IPO11: variants seen among roughly 807,000 people sequenced by gnomAD.
IPO11 encodes importin-11.
In IPO11, 66 loss-of-function variants were observed where a neutral mutation model predicts 143.2. That is an observed-to-expected ratio of 0.46 (90% confidence interval 0.38 to 0.57). The LOEUF (loss-of-function observed/expected upper bound fraction) is 0.57, where lower values mean the gene tolerates loss of function less well. Among genes scored for constraint, IPO11 ranks in the 20% least tolerant of loss-of-function variants. IPO11 has a pLI of 0.00. For synonymous variants in IPO11, 385 were observed against 377.8 expected (o/e 1.02, Z -0.22); for missense variants, 1,026 against 1,141.0 (o/e 0.90, Z 1.45).
At chr5:62,483,421 A>G in intron 10 of IPO11, 128 bp downstream of exon 10, 2 of 627,022 alleles carry the variant, frequency 3.2e-6, no homozygotes, top group Non-Finnish European at 5.3e-6. Context: ...GACATGAAAA[A>G]GATATAAGGA....
intron 22 of IPO11, among the ~76,000 whole-genome samples, chr5:62,535,980 C>G (rs1742720008): frequency 6.6e-6 from 1 of 152,106 alleles, no homozygotes; most frequent in African/African-American, 2.4e-5. Context: ...AGCACAGTGT[C>G]AACTTTTGAT....
intron 27 of IPO11, among the ~76,000 whole-genome samples, chr5:62,570,759 T>G (rs1744106880): frequency 6.6e-6 from 1 of 152,236 alleles, no homozygotes. Flanking sequence ...TCTGGCAAAC[T>G]GTTTTCTTAT....
At chr5:62,547,609 C>G (rs1743249143) in intron 24 of IPO11, among the ~76,000 whole-genome samples, 1 of 152,122 alleles carries the variant, frequency 6.6e-6, no homozygotes, top group Non-Finnish European at 1.5e-5. Context: ...TTTTAGACCA[C>G]AAAAACTCTG....
At chr5:62,533,477 G>C (rs146591441) in intron 22 of IPO11, among the ~76,000 whole-genome samples, 7,896 of 152,162 alleles carry the variant, frequency 0.052, 240 homozygotes, top group South Asian at 0.081. Flanking sequence ...CTCTCAAAGT[G>C]CTGGGATTAC....
At chr5:62,417,772 G>A (rs1019669952) in intron 1 of IPO11, among the ~76,000 whole-genome samples, 2 of 152,052 alleles carry the variant, frequency 1.3e-5, no homozygotes, top group Admixed American at 6.6e-5. Context: ...TCTCTTCAAC[G>A]CTGACATATG....
Position 62,434,305 on chromosome 5 carries a change from T to G in IPO11, c.-6-2969T>G, listed in dbSNP as rs187328698. 6.1e-3 allele frequency among the ~76,000 whole-genome samples: 928 copies of G among 151,882 alleles called. 11 individuals carry two copies. The highest frequency in any genetic ancestry group is 0.021 in the African/African-American group (856 of 41,466). On this transcript the variant is annotated intron_variant, in intron 1 of 29. Transcript: ENST00000325324. ...ACACTCAGTTGCAGTCAGTCTTTTT[T>G]TTTGTTTGTTTGTTTTGAGACAGGG... is the stretch of plus-strand genomic sequence containing the variant.
chr5:62,615,254 C>G (rs1452433812), intron 29 of IPO11, among the ~76,000 whole-genome samples: 1 of 152,186 alleles, frequency 6.6e-6, no homozygotes, highest in Non-Finnish European at 1.5e-5. Flanking sequence ...CGTTTTCTGT[C>G]TGTGTCAGAA....
intron 24 of IPO11, among the ~76,000 whole-genome samples, chr5:62,544,537 G>C (rs893072980): frequency 6.6e-6 from 1 of 152,130 alleles, no homozygotes; most frequent in East Asian, 1.9e-4. Context: ...TTGAAAACTG[G>C]CACAAGGCAG....
intron 1 of IPO11, among the ~76,000 whole-genome samples, chr5:62,429,618 G>GTGTGTA (rs1554046813): frequency 6.7e-6 from 1 of 149,162 alleles, no homozygotes; most frequent in East Asian, 2.0e-4. Context: ...GTGTGTGTGT[G>GTGTGTA]TGTGTGTGTA....
chr5:62,555,345 C>T (rs1743536547), intron 26 of IPO11, among the ~76,000 whole-genome samples: 1 of 151,380 alleles, frequency 6.6e-6, no homozygotes, highest in Non-Finnish European at 1.5e-5. Flanking sequence ...GACAGAGTCT[C>T]ACTCCATCAT....
chr5:62,460,980 C>T (rs762969220), intron 5 of IPO11, among the ~76,000 whole-genome samples: 16 of 152,136 alleles, frequency 1.1e-4, no homozygotes, highest in Non-Finnish European at 2.1e-4. Flanking sequence ...TGGTTACTTC[C>T]TGTGGTTTCT....
At chr5:62,442,668 G>A (rs1744532478) in intron 2 of IPO11, among the ~76,000 whole-genome samples, 1 of 152,074 alleles carries the variant, frequency 6.6e-6, no homozygotes, top group African/African-American at 2.4e-5. Flanking sequence ...AGACCAGCCT[G>A]GCCAGCATGG....
At chr5:62,510,659 G>A (rs954404520) in intron 19 of IPO11, among the ~76,000 whole-genome samples, 2 of 152,116 alleles carry the variant, frequency 1.3e-5, no homozygotes, top group African/African-American at 4.8e-5. Context: ...TGGCTCTCAT[G>A]TCCCTGCTTT....
At position 62,591,489 on chromosome 5, in the gene IPO11, C is replaced by T. The variant is rs960489290; in HGVS notation, c.2583-88C>T. ...GTATTTCACAGCTGAAATTTCTCTT[C>T]ATGTTCGAGAAGATGTTTAGGAAAA... On this transcript the variant is annotated intron_variant, in intron 27 of 29. Transcript: ENST00000325324. 19 of 701,756 alleles carry T rather than the reference C, an allele frequency of 2.7e-5. No homozygotes were observed. The African/African-American group carries it at 3.2e-4, about 12-fold the overall frequency. 43.5% of individuals were successfully genotyped at this position (701,756 alleles called of 1,614,324 possible).
chr5:62,495,652 G>A (rs1314376565), intron 16 of IPO11, among the ~76,000 whole-genome samples: 1 of 151,954 alleles, frequency 6.6e-6, no homozygotes, highest in Non-Finnish European at 1.5e-5. Context: ...TCTGTTTTTT[G>A]TAGAGATGGT....
intron 20 of IPO11, among the ~76,000 whole-genome samples, chr5:62,524,789 G>A (rs1346400665): frequency 6.6e-6 from 1 of 152,140 alleles, no homozygotes; most frequent in Non-Finnish European, 1.5e-5. Context: ...AGTAGTATGT[G>A]TCATCAAAAG....
At chr5:62,419,957 C>T (rs751559724) in intron 1 of IPO11, among the ~76,000 whole-genome samples, 2 of 151,872 alleles carry the variant, frequency 1.3e-5, no homozygotes, top group African/African-American at 4.8e-5. Flanking sequence ...ATTATGATGC[C>T]GGCATTGCTC....
intron 5 of IPO11, among the ~76,000 whole-genome samples, chr5:62,453,368 A>T (rs73760817): frequency 0.023 from 3,422 of 150,940 alleles, 357 homozygotes; most frequent in African/African-American, 0.08. Flanking sequence ...TTAAAGAAAG[A>T]GATAGCCTAG....
chr5:62,539,295 C>G (rs1019479256), intron 24 of IPO11, among the ~76,000 whole-genome samples: 2 of 152,122 alleles, frequency 1.3e-5, no homozygotes, highest in Non-Finnish European at 2.9e-5. Flanking sequence ...CTTTTGCGTT[C>G]CTTGGTTTGT....
Sources: gnomAD v4.1 joint callset for allele counts (sites outside exome capture counted in the v4.1 genomes callset) on GRCh38, gnomAD v4.1.1 for gene constraint, MANE v1.5 for transcripts, NCBI Gene and HGNC (gene_info 2026-07-23, HGNC 2026-07-21) for gene names.